Variants in TRIM24 observed in about 807,000 individuals in gnomAD.
The protein encoded by TRIM24 is tripartite motif containing 24.
Under a neutral mutation model 123.9 loss-of-function variants are expected in TRIM24, and 29 were observed. That is an observed-to-expected ratio of 0.23 (90% confidence interval 0.17 to 0.32). TRIM24 has a LOEUF of 0.32. TRIM24 is among the 10% of genes least tolerant of loss of function. The probability of loss-of-function intolerance (pLI) is 1.00; values close to 1 mark genes in which losing one functional copy is unlikely to be tolerated. For missense variants in TRIM24, 932 were observed against 1,295.3 expected (o/e 0.72, Z 4.31); for synonymous variants, 456 against 461.1 (o/e 0.99, Z 0.14).
chr7:138,469,331 ATTTT>A (rs1051563303), intron 1 of TRIM24, among the ~76,000 whole-genome samples: 2 of 137,218 alleles, frequency 1.5e-5, no homozygotes, highest in Non-Finnish European at 1.6e-5. Context: ...CCCTTTCTCA[ATTTT>A]TTTTTTTTTT....
intron 9 of TRIM24, among the ~76,000 whole-genome samples, chr7:138,558,891 C>T (rs1197389473): frequency 6.6e-6 from 1 of 152,174 alleles, no homozygotes; most frequent in Non-Finnish European, 1.5e-5. Flanking sequence ...CATGCAGCTC[C>T]AGCGGGCTAT....
chr7:138,540,539 A>G (rs963306380), intron 7 of TRIM24, among the ~76,000 whole-genome samples: 1 of 152,232 alleles, frequency 6.6e-6, no homozygotes, highest in Non-Finnish European at 1.5e-5. Context: ...ATAGGATTGC[A>G]GCAATTCAGT....
At chr7:138,511,967 A>G (rs1454061928) in intron 2 of TRIM24, among the ~76,000 whole-genome samples, 1 of 152,196 alleles carries the variant, frequency 6.6e-6, no homozygotes, top group Non-Finnish European at 1.5e-5. Flanking sequence ...CCAAGATACA[A>G]TGTAGGTACA....
At position 138,585,969 on chromosome 7, in the gene TRIM24, G is replaced by C. The variant is rs771544525; in HGVS notation, c.*1018G>C. 8.0e-6 allele frequency: 4 copies of C among 501,964 alleles called. No individual in the cohort carries two copies. In the East Asian group the frequency reaches 2.2e-4, roughly 28 times the overall value. 31.1% of individuals were successfully genotyped at this position (501,964 alleles called of 1,614,324 possible). A position where few individuals can be genotyped will look rare whatever the true frequency, so the allele number is the denominator to read the frequency against. ...AATGAAAATGTGTTGTAGGATTTTG[G>C]GAGCAGGCAGCTGGGGGGAATTAAT... On this transcript the variant is annotated 3_prime_UTR_variant, in exon 19 of 19. Coordinates refer to ENST00000343526, the MANE Select transcript of TRIM24 (RefSeq NM_015905.3).
At chr7:138,495,746 T>G (rs1051050055) in intron 1 of TRIM24, among the ~76,000 whole-genome samples, 1 of 151,896 alleles carries the variant, frequency 6.6e-6, no homozygotes, top group Non-Finnish European at 1.5e-5. Flanking sequence ...CCATGTCCAG[T>G]CTAGTGTGAT....
chr7:138,500,793 A>G (rs1029208360), intron 1 of TRIM24, among the ~76,000 whole-genome samples: 5 of 152,034 alleles, frequency 3.3e-5, no homozygotes, highest in Non-Finnish European at 7.4e-5. Flanking sequence ...TACTTACACA[A>G]ACCTATGTGG....
At chr7:138,510,641 C>T (rs1219464640) in intron 2 of TRIM24, among the ~76,000 whole-genome samples, 2 of 152,098 alleles carry the variant, frequency 1.3e-5, no homozygotes, top group East Asian at 1.9e-4. Flanking sequence ...AGGCTGGTCT[C>T]GAACTCCTGA....
chr7:138,468,165 A>C (rs544760457), intron 1 of TRIM24, among the ~76,000 whole-genome samples: 56 of 152,328 alleles, frequency 3.7e-4, no homozygotes, highest in Admixed American at 5.9e-4. Context: ...AAAATGAAGA[A>C]GTTCCCTTCT....
chr7:138,481,818 A>C (rs1277986336), intron 1 of TRIM24, among the ~76,000 whole-genome samples: 1 of 152,134 alleles, frequency 6.6e-6, no homozygotes. Flanking sequence ...GTCTCCAAAA[A>C]AAAAGAAAAA....
intron 17 of TRIM24, among the ~76,000 whole-genome samples, chr7:138,583,158 G>A (rs1214468458): frequency 6.6e-6 from 1 of 152,170 alleles, no homozygotes; most frequent in East Asian, 1.9e-4. Flanking sequence ...CAGAGCTGGG[G>A]ATTAAACCCA....
Position 138,460,787 on chromosome 7 carries a change from G to T in TRIM24, c.239G>T (p.Arg80Leu). 1 of 1,583,462 alleles carries T rather than the reference G, an allele frequency of 6.3e-7. No homozygotes were observed. The highest frequency in any genetic ancestry group is 8.6e-7 in the Non-Finnish European group (1 of 1,168,018). ...CCCTGCCTGCACTCTTTCTGCCAGC[G>T]CTGCCTGCCCGCGCCCCAGCGCTAC... ...LLPCLHSFCQ[R>L]CLPAPQRYLM... The change falls in exon 1 of 19, where the codon CGC becomes CTC. Residue 80 changes from arginine (R) to leucine (L), a missense_variant. This residue lies in a region of TRIM24 where 164 missense variants were observed against 181.9 expected (regional missense o/e 0.90). Transcript: ENST00000343526.
intron 9 of TRIM24, among the ~76,000 whole-genome samples, chr7:138,556,082 T>G (rs751608361): frequency 5.3e-5 from 8 of 152,230 alleles, no homozygotes; most frequent in Non-Finnish European, 1.2e-4. Context: ...TTAGATAAAT[T>G]TAAAAGCTTT....
At chr7:138,487,592 A>G (rs1795676743) in intron 1 of TRIM24, among the ~76,000 whole-genome samples, 2 of 152,152 alleles carry the variant, frequency 1.3e-5, no homozygotes, top group South Asian at 4.1e-4. Context: ...TTCTGCATCT[A>G]TTGAAATAAT....
chr7:138,558,929 G>C (rs1797370543), intron 9 of TRIM24, among the ~76,000 whole-genome samples: 1 of 152,206 alleles, frequency 6.6e-6, no homozygotes, highest in Admixed American at 6.5e-5. Flanking sequence ...AACAAACGGG[G>C]CACACATTTT....
At chr7:138,538,215 C>T (rs774384976) in intron 6 of TRIM24, among the ~76,000 whole-genome samples, 1 of 152,192 alleles carries the variant, frequency 6.6e-6, no homozygotes, top group Non-Finnish European at 1.5e-5. Flanking sequence ...CTGTTTTGCA[C>T]AAACTACTTG....
intron 9 of TRIM24, among the ~76,000 whole-genome samples, chr7:138,560,785 C>T (rs1797411353): frequency 6.6e-6 from 1 of 152,194 alleles, no homozygotes; most frequent in Admixed American, 6.5e-5. Flanking sequence ...GTTTGGCACA[C>T]CAGGCCCTTT....
chr7:138,512,668 C>G (rs1051579866), intron 2 of TRIM24, among the ~76,000 whole-genome samples: 2 of 152,076 alleles, frequency 1.3e-5, no homozygotes, highest in African/African-American at 4.8e-5. Context: ...GGAGCAGTGT[C>G]CTGAGGCTTC....
chr7:138,545,865 C>T (rs934955647), intron 7 of TRIM24, among the ~76,000 whole-genome samples: 1 of 152,114 alleles, frequency 6.6e-6, no homozygotes, highest in African/African-American at 2.4e-5. Context: ...AAATAAGTCA[C>T]TGTAATAATA....
intron 1 of TRIM24, among the ~76,000 whole-genome samples, chr7:138,470,437 A>G (rs1795247517): frequency 1.3e-5 from 2 of 152,130 alleles, no homozygotes; most frequent in Admixed American, 1.3e-4. Flanking sequence ...ACATAATTTT[A>G]TATGTACTTG....
Sources: allele counts gnomAD v4.1 joint callset (sites outside exome capture counted in the v4.1 genomes callset), GRCh38; gene constraint gnomAD v4.1.1; regional missense constraint gnomAD v4.1.1; transcripts MANE v1.5; gene names NCBI Gene and HGNC (gene_info 2026-07-23, HGNC 2026-07-21).